The following ERBB4 variants were observed in gnomAD, a reference collection of about 807,000 sequenced individuals.
ERBB4 encodes receptor tyrosine-protein kinase erbB-4.
In ERBB4, 42 loss-of-function variants were observed where a neutral mutation model predicts 158.0. The ratio of observed to expected loss-of-function variants is 0.27; its 90% CI spans 0.21 to 0.34. The LOEUF (loss-of-function observed/expected upper bound fraction) is 0.34, where lower values mean the gene tolerates loss of function less well. Ranked by LOEUF, ERBB4 falls within the 10% of genes least tolerant of loss-of-function variation. ERBB4 has a pLI of 1.00. For synonymous variants in ERBB4, 583 were observed against 558.7 expected, an observed-to-expected ratio of 1.04 and a Z score of -0.61; for missense variants, 1,333 against 1,624.1, an observed-to-expected ratio of 0.82 and a Z score of 3.08.
At chr2:212,223,709 G>T (rs990391430) in intron 1 of ERBB4, among the ~76,000 whole-genome samples, 1 of 151,452 alleles carries the variant, frequency 6.6e-6, no homozygotes. Context: ...TTAAAAAATT[G>T]TTATTTACTC....
At chr2:211,666,036 C>A (rs2105921365) in intron 14 of ERBB4, among the ~76,000 whole-genome samples, 1 of 152,150 alleles carries the variant, frequency 6.6e-6, no homozygotes, top group South Asian at 2.1e-4. Context: ...TGTAAACTTT[C>A]CTTTGGTTGT....
chr2:212,491,438 T>C (rs1363220550), intron 1 of ERBB4, among the ~76,000 whole-genome samples: 2 of 151,626 alleles, frequency 1.3e-5, no homozygotes, highest in Non-Finnish European at 3.0e-5. Context: ...ACATGTTGTT[T>C]AATTTGTGTT....
intron 2 of ERBB4, among the ~76,000 whole-genome samples, chr2:212,035,570 CT>C (rs1342297893): frequency 6.6e-6 from 1 of 152,210 alleles, no homozygotes; most frequent in Non-Finnish European, 1.5e-5. Context: ...ACATTTCACT[CT>C]TCACCCATGT....
At chr2:212,074,377 C>T (rs536845157) in intron 2 of ERBB4, among the ~76,000 whole-genome samples, 4 of 151,830 alleles carry the variant, frequency 2.6e-5, no homozygotes, top group South Asian at 4.2e-4. Flanking sequence ...TTGAGGATTG[C>T]GGATTATAAC....
intron 2 of ERBB4, among the ~76,000 whole-genome samples, chr2:212,065,375 C>A (rs572304057): frequency 1.3e-5 from 2 of 152,026 alleles, no homozygotes; most frequent in East Asian, 3.9e-4. Flanking sequence ...ACAAAAAGAG[C>A]AAATTCAGTG....
chr2:212,426,832 G>A (rs1272139552), intron 1 of ERBB4, among the ~76,000 whole-genome samples: 1 of 152,034 alleles, frequency 6.6e-6, no homozygotes, highest in African/African-American at 2.4e-5. Context: ...GTGAGACAGA[G>A]GGCTCGGGGT....
chr2:212,261,396 A>C (rs987288709), intron 1 of ERBB4, among the ~76,000 whole-genome samples: 34 of 152,186 alleles, frequency 2.2e-4, no homozygotes, highest in African/African-American at 8.0e-4. Flanking sequence ...CAGAAAGATA[A>C]GGATAAAAAA....
chr2:211,803,078 A>T (rs2076536492), intron 3 of ERBB4, among the ~76,000 whole-genome samples: 1 of 152,200 alleles, frequency 6.6e-6, no homozygotes, highest in Admixed American at 6.5e-5. Flanking sequence ...TTATTTACAC[A>T]TTTTCCACTT....
chr2:212,085,501 T>C (rs1000107741), intron 2 of ERBB4, among the ~76,000 whole-genome samples: 1 of 151,900 alleles, frequency 6.6e-6, no homozygotes, highest in Admixed American at 6.6e-5. Context: ...TTCAGCTTGG[T>C]ATTAGTATCT....
chr2:211,987,132 C>A (rs976557611), intron 2 of ERBB4, among the ~76,000 whole-genome samples: 21 of 151,788 alleles, frequency 1.4e-4, no homozygotes, highest in South Asian at 4.1e-4. Context: ...GCTGACCTAG[C>A]CAACATAGCA....
intron 15 of ERBB4, among the ~76,000 whole-genome samples, chr2:211,664,128 G>T (rs1233638858): frequency 6.6e-6 from 1 of 152,188 alleles, no homozygotes; most frequent in Non-Finnish European, 1.5e-5. Context: ...TTCACAGAGT[G>T]AGTTAAGCTT....
intron 25 of ERBB4, among the ~76,000 whole-genome samples, chr2:211,394,546 C>T (rs909031475): frequency 1.3e-5 from 2 of 152,134 alleles, no homozygotes; most frequent in African/African-American, 4.8e-5. Context: ...CTCAGTAATT[C>T]TTTTCAGTTA....
At chr2:212,368,380 G>A (rs1001368685) in intron 1 of ERBB4, among the ~76,000 whole-genome samples, 1 of 152,112 alleles carries the variant, frequency 6.6e-6, no homozygotes, top group Non-Finnish European at 1.5e-5. Flanking sequence ...AAGCTATGAG[G>A]ACACAAAGGC....
At chr2:212,411,455 T>A (rs1255845085) in intron 1 of ERBB4, among the ~76,000 whole-genome samples, 3 of 152,148 alleles carry the variant, frequency 2.0e-5, no homozygotes, top group African/African-American at 7.2e-5. Flanking sequence ...TAGATAAATA[T>A]TTATGGTGAT....
intron 1 of ERBB4, among the ~76,000 whole-genome samples, chr2:212,404,354 A>G (rs2091287755): frequency 6.6e-6 from 1 of 152,020 alleles, no homozygotes; most frequent in African/African-American, 2.4e-5. Flanking sequence ...CCCCAGGCAG[A>G]AGTAATCACT....
chr2:212,496,709 C>T (rs1055070709), intron 1 of ERBB4, among the ~76,000 whole-genome samples: 1 of 152,068 alleles, frequency 6.6e-6, no homozygotes, highest in Non-Finnish European at 1.5e-5. Flanking sequence ...TTGTCAGTCT[C>T]CGTGAGTCGT....
intron 1 of ERBB4, among the ~76,000 whole-genome samples, chr2:212,161,745 C>A (rs962694112): frequency 7.9e-5 from 12 of 151,634 alleles, no homozygotes; most frequent in African/African-American, 2.2e-4. Flanking sequence ...GTTATATGAC[C>A]ATATATAGTA....
At chr2:211,675,788 A>G (rs1404337543) in intron 13 of ERBB4, among the ~76,000 whole-genome samples, 1 of 50,006 alleles carries the variant, frequency 2.0e-5, no homozygotes, top group Non-Finnish European at 4.5e-5. Context: ...TATAAAATAT[A>G]ATATTATATA....
intron 1 of ERBB4, among the ~76,000 whole-genome samples, chr2:212,499,998 T>C (rs1476289874): frequency 6.6e-6 from 1 of 151,970 alleles, no homozygotes; most frequent in African/African-American, 2.4e-5. Flanking sequence ...TTAACACACA[T>C]GTTAAATACA....
Sources: gnomAD v4.1 joint callset for allele counts (sites outside exome capture counted in the v4.1 genomes callset) on GRCh38, gnomAD v4.1.1 for gene constraint, MANE v1.5 for transcripts, NCBI Gene and HGNC (gene_info 2026-07-23, HGNC 2026-07-21) for gene names.